Variants in ZNF251 observed in about 807,000 individuals in gnomAD.
ZNF251 encodes zinc finger protein 251.
A neutral mutation model predicts 13.5 loss-of-function variants in ZNF251; 14 were observed. That is an observed-to-expected ratio of 1.04 (90% CI 0.69 to 1.63). The LOEUF (loss-of-function observed/expected upper bound fraction) is 1.63. Among genes scored for constraint, ZNF251 ranks in the 40% most tolerant of loss-of-function variants. The probability of loss-of-function intolerance (pLI) is 0.00; values close to 1 mark genes in which losing one functional copy is unlikely to be tolerated. For synonymous variants in ZNF251, 287 were observed against 295.2 expected (o/e 0.97, Z 0.28); for missense variants, 764 against 834.9 (o/e 0.92, Z 1.05).
rs750512448 is a variant in ZNF251, at chr8:144,722,790, T to C, written c.870A>G (p.Glu290=). 3.7e-6 allele frequency: 6 copies of C among 1,614,068 alleles called. No individual in the cohort carries two copies. The highest frequency in any genetic ancestry group is 8.5e-7 in the Non-Finnish European group (1 of 1,179,918). The change falls in exon 5 of 5, where the codon GAA becomes GAG. Residue 290 remains glutamate (E), a synonymous_variant. Coordinates refer to ENST00000292562, the MANE Select transcript of ZNF251 (RefSeq NM_138367.2). The surrounding 1 kb of genome is among the most constrained non-coding windows in gnomAD (Gnocchi z 4.8). ...CACACTCACCACAGCCAAAGGGTTT[T>C]TCTCCAGTGTGAATTCTCCGATGAA... ...LRLHRRIHTG[E]KPFGCGECGK... is the part of the protein sequence containing the mutation.
chr8:144,724,261 CAAA>C (rs1175216003), intron 4 of ZNF251, among the ~76,000 whole-genome samples: 9 of 35,864 alleles, frequency 2.5e-4, no homozygotes, highest in African/African-American at 5.0e-4. Flanking sequence ...GACTCCGTCT[CAAA>C]AAAAAAAAAA....
At chr8:144,731,016 C>G (rs780407125) in intron 4 of ZNF251, among the ~76,000 whole-genome samples, 1 of 152,174 alleles carries the variant, frequency 6.6e-6, no homozygotes, top group Admixed American at 6.5e-5. Context: ...AGACTGAAGA[C>G]GGACTCTCCT....
In ZNF251 at chr8:144,721,266, A is replaced by T. The variant is rs979212377; in HGVS notation, c.*378T>A. 17 of 290,248 alleles carry T rather than the reference A, an allele frequency of 5.9e-5. No individual in the cohort carries two copies. The Admixed American group carries it at 8.9e-4, about 15-fold the overall frequency. The allele number at this position is 290,248 out of a possible 1,614,324, so 18.0% of individuals were successfully genotyped here. On this transcript the variant is annotated 3_prime_UTR_variant, in exon 5 of 5. Coordinates refer to ENST00000292562, the MANE Select transcript of ZNF251 (RefSeq NM_138367.2). ...ACTTGGAGGCAGGTATATGGGACTG[A>T]AAGTGGATGTTCTCAGCCACAAGCC...
At position 144,722,796 on chromosome 8, in the gene ZNF251, A is replaced by G. The variant is rs756181593; in HGVS notation, c.864T>C (p.Thr288=). 2 of 1,614,114 alleles carry G rather than the reference A, an allele frequency of 1.2e-6. No individual in the cohort carries two copies. Among genetic ancestry groups the G allele is most frequent in the Non-Finnish European group, 1.7e-6 (2 of 1,179,940 alleles). The change falls in exon 5 of 5, where the codon ACT becomes ACC. Residue 288 remains threonine (T), a synonymous_variant. Coordinates refer to ENST00000292562, the MANE Select transcript of ZNF251 (RefSeq NM_138367.2). This position sits in a 1 kb window ranked among gnomAD's most constrained non-coding sequence, Gnocchi z 4.8. ...SHLRLHRRIH[T]GEKPFGCGEC... ...CACCACAGCCAAAGGGTTTTTCTCC[A>G]GTGTGAATTCTCCGATGAAGACGGA...
intron 4 of ZNF251, among the ~76,000 whole-genome samples, chr8:144,748,170 T>G (rs1254687919): frequency 1.3e-5 from 2 of 151,932 alleles, no homozygotes; most frequent in Non-Finnish European, 2.9e-5. Flanking sequence ...ATCTCCCAGG[T>G]TCAAGTGATT....
chr8:144,737,565 A>C (rs888993284), intron 4 of ZNF251, among the ~76,000 whole-genome samples: 1 of 151,976 alleles, frequency 6.6e-6, no homozygotes, highest in East Asian at 1.9e-4. Flanking sequence ...GCAGTGGCTC[A>C]CACCTGTAAT....
At chr8:144,741,278 G>A (rs1824153624) in intron 4 of ZNF251, among the ~76,000 whole-genome samples, 1 of 152,250 alleles carries the variant, frequency 6.6e-6, no homozygotes, top group South Asian at 2.1e-4. Context: ...GGGCACAGTG[G>A]TGACAGCTCG....
chr8:144,741,363 TACACACACTCAC>T (rs1824157950), intron 4 of ZNF251, among the ~76,000 whole-genome samples: 1 of 152,042 alleles, frequency 6.6e-6, no homozygotes, highest in African/African-American at 2.4e-5. Flanking sequence ...CACACACTCA[TACACACACTCAC>T]ACACACTCAC....
In ZNF251 at chr8:144,722,439, A is replaced by G; in HGVS notation, c.1221T>C (p.Cys407=). 1 of 1,613,976 alleles carries G rather than the reference A, an allele frequency of 6.2e-7. No individual in the cohort carries two copies. Among genetic ancestry groups the G allele is most frequent in the Non-Finnish European group, 8.5e-7 (1 of 1,179,920 alleles). ...AACCAAAGGCTCTGCCGCATTCATT[A>G]CATACATAGGGTTTCTCTCCAGTAT... ...RVHTGEKPYV[C]NECGRAFGFN... The change falls in exon 5 of 5, where the codon TGT becomes TGC. Residue 407 remains cysteine, a synonymous_variant. Transcript: ENST00000292562. The surrounding 1 kb of genome is among the most constrained non-coding windows in gnomAD (Gnocchi z 4.8).
At position 144,721,330 on chromosome 8, in the gene ZNF251, T is replaced by C. The variant is rs1586676483; in HGVS notation, c.*314A>G. ...GAAACAAAGGATAAGACTGGAAGGA[T>C]GTCAGGTAGGGTAGACCCAGAGCAC... On this transcript the variant is annotated 3_prime_UTR_variant, in exon 5 of 5. Coordinates refer to ENST00000292562, the MANE Select transcript of ZNF251 (RefSeq NM_138367.2). 1 of 380,944 alleles carries C rather than the reference T, an allele frequency of 2.6e-6. No homozygotes were observed. 23.6% of individuals were successfully genotyped at this position (380,944 alleles called of 1,614,324 possible).
rs1823823165 is a variant in ZNF251 at position 144,734,600 on chromosome 8, C to T, written c.278-11218G>A. Reference sequence around the variant, plus strand: ...GTGGGTGCTGACCCTGGGTCAGTGACCTCCCACAGAGGTCACTGGGACACC... The same window carrying T: ...GTGGGTGCTGACCCTGGGTCAGTGATCTCCCACAGAGGTCACTGGGACACC... On this transcript the variant is annotated intron_variant, in intron 4 of 4. Coordinates refer to ENST00000292562, the MANE Select transcript of ZNF251 (RefSeq NM_138367.2). The surrounding 1 kb of genome is among the most constrained non-coding windows in gnomAD (Gnocchi z 4.4). Among the ~76,000 whole-genome samples, 1 of 152,170 alleles carries T rather than the reference C, an allele frequency of 6.6e-6. No homozygotes were observed. The highest frequency in any genetic ancestry group is 1.5e-5 in the Non-Finnish European group (1 of 68,020).
chr8:144,727,401 T>G (rs1823549749), intron 4 of ZNF251, among the ~76,000 whole-genome samples: 2 of 152,252 alleles, frequency 1.3e-5, no homozygotes, highest in African/African-American at 4.8e-5. Flanking sequence ...AAGGCTGTTT[T>G]GTCTACACTG....
intron 4 of ZNF251, among the ~76,000 whole-genome samples, chr8:144,739,240 C>A (rs111289377): frequency 2.0e-5 from 3 of 147,740 alleles, no homozygotes; most frequent in Non-Finnish European, 3.0e-5. Context: ...CCCCACCCCC[C>A]CAAAACTAGG....
At chr8:144,738,354 C>T (rs529334115) in intron 4 of ZNF251, among the ~76,000 whole-genome samples, 1 of 152,346 alleles carries the variant, frequency 6.6e-6, no homozygotes, top group African/African-American at 2.4e-5. Flanking sequence ...CGATTAGAAA[C>T]TGAGGGTCCC....
In ZNF251 at chr8:144,755,515, C is replaced by A. The variant is rs866165376; in HGVS notation, c.-186G>T. On this transcript the variant is annotated 5_prime_UTR_variant, in exon 1 of 5. Transcript: ENST00000292562. ...ACCGGGTCCAGAGCCGGGGAGGGGG[C>A]GGGCTAGGATGAAGAGGGCGGGCCG... is the stretch of plus-strand genomic sequence containing the variant. 1 of 1,285,846 alleles carries A rather than the reference C, an allele frequency of 7.8e-7. No homozygotes were observed. Among genetic ancestry groups the A allele is most frequent in the Non-Finnish European group, 1.0e-6 (1 of 988,144 alleles). 79.7% of individuals were successfully genotyped at this position (1,285,846 alleles called of 1,614,324 possible). A position where few individuals can be genotyped will look rare whatever the true frequency, so the allele number is the denominator to read the frequency against.
intron 4 of ZNF251, among the ~76,000 whole-genome samples, chr8:144,728,555 C>T (rs1050229550): frequency 2.7e-4 from 41 of 149,334 alleles, no homozygotes; most frequent in African/African-American, 8.9e-4. Context: ...CCCAGCTACC[C>T]GGGAGGCTGA....
At chr8:144,736,771 C>T (rs1009161085) in intron 4 of ZNF251, among the ~76,000 whole-genome samples, 1 of 151,956 alleles carries the variant, frequency 6.6e-6, no homozygotes, top group Non-Finnish European at 1.5e-5. Flanking sequence ...GGATTACAGG[C>T]GTGAGCCACC....
intron 4 of ZNF251, among the ~76,000 whole-genome samples, chr8:144,751,794 C>A (rs1009238673): frequency 1.3e-5 from 2 of 151,862 alleles, no homozygotes; most frequent in Non-Finnish European, 2.9e-5. Flanking sequence ...GAAACAAGAC[C>A]CAATTGTATG....
At chr8:144,744,286 CT>C (rs1824310038) in intron 4 of ZNF251, among the ~76,000 whole-genome samples, 1 of 152,044 alleles carries the variant, frequency 6.6e-6, no homozygotes, top group South Asian at 2.1e-4. Flanking sequence ...TTGATGCCGT[CT>C]TTTACAGAGC....
Sources: gnomAD v4.1 joint callset for allele counts (sites outside exome capture counted in the v4.1 genomes callset) on GRCh38, gnomAD v4.1.1 for gene constraint, Gnocchi (gnomAD v3.1) non-coding constraint, MANE v1.5 for transcripts, NCBI Gene and HGNC (gene_info 2026-07-23, HGNC 2026-07-21) for gene names.